Variants in ANO3 observed in about 807,000 individuals in gnomAD.
ANO3 encodes anoctamin-3.
Under a neutral mutation model 144.8 loss-of-function variants are expected in ANO3, and 99 were observed. That is an observed-to-expected ratio of 0.68 (90% CI 0.58 to 0.81). The LOEUF is 0.81. Ranked by LOEUF, ANO3 falls within the 30% of genes least tolerant of loss-of-function variation. ANO3 has a pLI of 0.00. For synonymous variants in ANO3, 414 were observed against 392.6 expected (o/e 1.05, Z -0.64); for missense variants, 905 against 1,202.2 (o/e 0.75, Z 3.66).
chr11:26,322,621 T>C (rs996610355), intron 1 of ANO3, among the ~76,000 whole-genome samples: 2 of 152,032 alleles, frequency 1.3e-5, no homozygotes, highest in African/African-American at 4.8e-5. Context: ...GAATTATCAG[T>C]TTTGGGGAGG....
chr11:26,443,917 T>G, intron 3 of ANO3, 81 bp downstream of exon 3: 3 of 913,938 alleles, frequency 3.3e-6, no homozygotes, highest in Middle Eastern at 2.2e-4. Flanking sequence ...AACTAGCATT[T>G]TTTTTTTAAG....
intron 1 of ANO3, among the ~76,000 whole-genome samples, chr11:26,267,705 T>C (rs1387766096): frequency 1.3e-5 from 2 of 152,194 alleles, no homozygotes; most frequent in Non-Finnish European, 2.9e-5. Context: ...TTAGATTTAT[T>C]GTGCAGTTAA....
chr11:26,247,660 T>A (rs758954996), intron 1 of ANO3, among the ~76,000 whole-genome samples: 46 of 152,104 alleles, frequency 3.0e-4, no homozygotes, highest in Non-Finnish European at 4.7e-4. Flanking sequence ...ATGTGATTAT[T>A]TATTTTGAAC....
intron 1 of ANO3, among the ~76,000 whole-genome samples, chr11:26,200,412 T>C (rs1191364695): frequency 6.6e-6 from 1 of 152,172 alleles, no homozygotes; most frequent in Non-Finnish European, 1.5e-5. Flanking sequence ...AGTTGGTCAC[T>C]CTATTATAAT....
Position 26,290,308 on chromosome 11 carries a change from T to A in ANO3, c.155-19337T>A, listed in dbSNP as rs193098329. 5.9e-3 allele frequency among the ~76,000 whole-genome samples: 897 copies of A among 152,312 alleles called. 6 individuals are homozygous for A. Among genetic ancestry groups the A allele is most frequent in the Non-Finnish European group, 7.8e-3 (530 of 68,026 alleles). On this transcript the variant is annotated intron_variant, in intron 1 of 27. Coordinates refer to the ANO3 transcript ENST00000672621. ...TATTTGATTCTTCTCTCTTTTCTTCTTTATTAGTCTTGCTAGTGGTCTATC... is the reference window on the plus strand; with the variant it reads ...TATTTGATTCTTCTCTCTTTTCTTCATTATTAGTCTTGCTAGTGGTCTATC...
intron 3 of ANO3, among the ~76,000 whole-genome samples, chr11:26,462,563 A>G (rs1218210194): frequency 2.0e-5 from 3 of 151,800 alleles, no homozygotes; most frequent in Non-Finnish European, 4.4e-5. Flanking sequence ...GTTTATTAAG[A>G]TATTTTCTAC....
intron 1 of ANO3, among the ~76,000 whole-genome samples, chr11:26,288,918 T>A (rs746137868): frequency 1.3e-4 from 20 of 152,186 alleles, no homozygotes; most frequent in Non-Finnish European, 2.5e-4. Context: ...TATTACAACT[T>A]AGCACAATCT....
chr11:26,306,132 T>C (rs1390945500), upstream of ANO3, among the ~76,000 whole-genome samples: 201 of 143,482 alleles, frequency 1.4e-3, no homozygotes, highest in Non-Finnish European at 2.6e-3. Context: ...ATAATTTTTT[T>C]TTTTTTTTTT....
At chr11:26,542,998 A>G (rs1054811173) in intron 11 of ANO3, among the ~76,000 whole-genome samples, 4 of 152,102 alleles carry the variant, frequency 2.6e-5, no homozygotes, top group African/African-American at 9.7e-5. Context: ...AGAATTTAAT[A>G]AAAGAACTAT....
At chr11:26,609,829 G>A (rs1852043140) in intron 17 of ANO3, among the ~76,000 whole-genome samples, 2 of 152,316 alleles carry the variant, frequency 1.3e-5, no homozygotes, top group Admixed American at 1.3e-4. Flanking sequence ...GTTTTCCACA[G>A]TGGCTATACT....
chr11:26,313,794 G>A (rs1435253772), intron 1 of ANO3, among the ~76,000 whole-genome samples: 2 of 151,324 alleles, frequency 1.3e-5, no homozygotes. Flanking sequence ...AAAACAATTT[G>A]TTAAATGCTA....
chr11:26,621,690 G>A (rs1435575891), intron 17 of ANO3, among the ~76,000 whole-genome samples: 1 of 152,086 alleles, frequency 6.6e-6, no homozygotes, highest in East Asian at 1.9e-4. Context: ...TTCTATGAAA[G>A]TAGAGATTAT....
At chr11:26,449,503 A>T (rs1858837756) in intron 3 of ANO3, among the ~76,000 whole-genome samples, 3 of 33,232 alleles carry the variant, frequency 9.0e-5, no homozygotes, top group African/African-American at 2.0e-4. Flanking sequence ...ACACACACAC[A>T]CACACACACA....
At chr11:26,274,755 C>T (rs910553130) in intron 1 of ANO3, among the ~76,000 whole-genome samples, 2 of 152,054 alleles carry the variant, frequency 1.3e-5, no homozygotes, top group Non-Finnish European at 2.9e-5. Context: ...AACTATGAAA[C>T]TTCAAATAAA....
intron 1 of ANO3, among the ~76,000 whole-genome samples, chr11:26,246,419 A>C (rs916903030): frequency 1.3e-5 from 2 of 149,004 alleles, no homozygotes; most frequent in Admixed American, 6.7e-5. Context: ...AATTTTTATC[A>C]ATCTGATAAA....
chr11:26,512,039 A>T (rs1327888205), intron 5 of ANO3, among the ~76,000 whole-genome samples: 1 of 152,232 alleles, frequency 6.6e-6, no homozygotes, highest in Non-Finnish European at 1.5e-5. Context: ...TAGTATCATG[A>T]TCACATTCGT....
At chr11:26,573,515 T>C (rs1850905775) in intron 14 of ANO3, among the ~76,000 whole-genome samples, 1 of 152,162 alleles carries the variant, frequency 6.6e-6, no homozygotes, top group Admixed American at 6.6e-5. Flanking sequence ...GAACTGAACA[T>C]GATTGGGCAG....
rs1040096968 is a variant in ANO3 at position 26,380,617 on chromosome 11, T to G, written c.46+48296T>G. ...GAAATCACCTTCTAGAGGCCCTACATCTTAATACCATTGCCTTTGGGATTA... is the reference window on the plus strand; with the variant it reads ...GAAATCACCTTCTAGAGGCCCTACAGCTTAATACCATTGCCTTTGGGATTA... On this transcript the variant is annotated intron_variant, in intron 1 of 26. Transcript: ENST00000256737. Among the ~76,000 whole-genome samples, 8 of 152,314 alleles carry G rather than the reference T, an allele frequency of 5.3e-5. No homozygotes were observed. The South Asian group carries it at 1.7e-3, about 32-fold the overall frequency.
chr11:26,460,132 A>T (rs1274477360), intron 3 of ANO3: 4 of 453,074 alleles, frequency 8.8e-6, no homozygotes, highest in Non-Finnish European at 1.8e-5. Context: ...CATATCATTC[A>T]TCAGGACAGT....
Sources: gnomAD v4.1 joint callset for allele counts (sites outside exome capture counted in the v4.1 genomes callset) on GRCh38, gnomAD v4.1.1 for gene constraint, MANE v1.5 for transcripts, NCBI Gene and HGNC (gene_info 2026-07-23, HGNC 2026-07-21) for gene names.